PIK3AP1: variants seen among roughly 807,000 people sequenced by gnomAD.
PIK3AP1 encodes the protein phosphoinositide-3-kinase adaptor protein 1.
Under a neutral mutation model 88.1 loss-of-function variants are expected in PIK3AP1, and 21 were observed. That is an observed-to-expected ratio of 0.24 (90% CI 0.17 to 0.34). The LOEUF is 0.34. PIK3AP1 is among the 10% of genes least tolerant of loss of function. The pLI is 1.00. For missense variants in PIK3AP1, 828 were observed against 1,035.7 expected (o/e 0.80, Z 2.75); for synonymous variants, 398 against 400.0 (o/e 1.00, Z 0.06).
At chr10:96,684,334 A>G (rs1018908373) in intron 2 of PIK3AP1, among the ~76,000 whole-genome samples, 1 of 152,218 alleles carries the variant, frequency 6.6e-6, no homozygotes, top group African/African-American at 2.4e-5. Flanking sequence ...TACAAGAAAA[A>G]CGCTAGTCCA....
At chr10:96,643,004 TGTGA>T (rs1241205661) in intron 8 of PIK3AP1, among the ~76,000 whole-genome samples, 1 of 152,226 alleles carries the variant, frequency 6.6e-6, no homozygotes, top group African/African-American at 2.4e-5. Context: ...AGTGTTCTTT[TGTGA>T]GTGAGTCCCT....
chr10:96,615,302 C>G (rs1849196628), intron 13 of PIK3AP1, among the ~76,000 whole-genome samples: 1 of 151,998 alleles, frequency 6.6e-6, no homozygotes, highest in African/African-American at 2.4e-5. Context: ...GACAGGAGCC[C>G]CTGGAAGGCT....
At chr10:96,595,710 C>A in intron 16 of PIK3AP1, 76 bp from the exon 17 acceptor site, 3 of 1,449,126 alleles carry the variant, frequency 2.1e-6, no homozygotes, top group South Asian at 2.4e-5. Flanking sequence ...CAATTTGTTG[C>A]AAACTTGGTA....
intron 3 of PIK3AP1, among the ~76,000 whole-genome samples, chr10:96,654,809 G>C (rs966522987): frequency 2.6e-5 from 4 of 152,206 alleles, no homozygotes; most frequent in Non-Finnish European, 1.5e-5. Context: ...GACCAGAGGG[G>C]CATGGGGAAA....
chr10:96,708,574 CAAAAAAAAAAAAA>C (rs924470384), intron 2 of PIK3AP1, among the ~76,000 whole-genome samples: 5 of 12,832 alleles, frequency 3.9e-4, no homozygotes, highest in East Asian at 2.4e-3. Flanking sequence ...GGATCTGTCT[CAAAAAAAAAAAAA>C]AAAAAAAAAA....
Position 96,687,279 on chromosome 10 carries a change from AAAAAAAG to A in PIK3AP1, c.430+22281_430+22287del, listed in dbSNP as rs1254063032. Among the ~76,000 whole-genome samples the A allele has an allele frequency of 1.1e-3, 137 of 119,562 alleles. 8 individuals carry two copies. Among genetic ancestry groups the A allele is most frequent in the African/African-American group, 6.0e-3 (132 of 21,982 alleles). The allele number at this position is 119,562 out of a possible 152,430, so 78.4% of individuals were successfully genotyped here. A position where few individuals can be genotyped will look rare whatever the true frequency, so the allele number is the denominator to read the frequency against. ...TCAAAAAAAAAAAAAAAAAAAAAAA[AAAAAAAG>A]AAAAAAGATCTCCTCCTTTCAAGGA... On this transcript the variant is annotated intron_variant, in intron 2 of 16. Transcript: ENST00000339364.
At position 96,656,796 on chromosome 10, in the gene PIK3AP1, A is replaced by G; in HGVS notation, c.567+2T>C. On this transcript the variant is annotated splice_donor_variant, in intron 3 of 16. Transcript: ENST00000339364. LOFTEE classifies it high-confidence loss of function. ...AGCTACCAGGCCCCCAGCAGTGCCT[A>G]CCCCACAGCGAATGCGGTCCGGCTG... The G allele has an allele frequency of 6.2e-7, 1 of 1,613,936 alleles. No homozygotes were observed. Among genetic ancestry groups the G allele is most frequent in the Non-Finnish European group, 8.5e-7 (1 of 1,179,966 alleles).
intron 2 of PIK3AP1, among the ~76,000 whole-genome samples, chr10:96,706,161 G>C (rs1340957268): frequency 6.6e-6 from 1 of 152,104 alleles, no homozygotes; most frequent in African/African-American, 2.4e-5. Flanking sequence ...CCAAAGGGCT[G>C]GGATTACAGG....
In PIK3AP1 at chr10:96,711,854, C is replaced by T. The variant is rs190052876; in HGVS notation, c.14-1871G>A. On this transcript the variant is annotated intron_variant, in intron 1 of 16. Coordinates refer to ENST00000339364, the MANE Select transcript of PIK3AP1 (RefSeq NM_152309.3). ...CAAGCTCCGCCTCCCGGGTTCACGC[C>T]ATTCTCCTGTCTCAGCCTCCCAAGT... Among the ~76,000 whole-genome samples, 11 of 148,294 alleles carry T rather than the reference C, an allele frequency of 7.4e-5. No individual in the cohort carries two copies. The East Asian group carries it at 2.2e-3, about 30-fold the overall frequency.
intron 2 of PIK3AP1, among the ~76,000 whole-genome samples, chr10:96,704,528 G>C (rs1218930254): frequency 6.6e-6 from 1 of 152,038 alleles, no homozygotes; most frequent in Non-Finnish European, 1.5e-5. Flanking sequence ...GACCAGCCTG[G>C]CCAACATGGT....
intron 7 of PIK3AP1, among the ~76,000 whole-genome samples, chr10:96,648,011 C>T (rs1009788514): frequency 1.3e-5 from 2 of 152,162 alleles, no homozygotes; most frequent in Non-Finnish European, 2.9e-5. Context: ...ACCAGATGAT[C>T]AGATAAACTG....
In PIK3AP1 at chr10:96,656,894, G is replaced by A. The variant is rs117500254; in HGVS notation, c.471C>T (p.Asp157=). ...CDSVTDTEPE[D]EKVVSYSKQQ... ...GCTTCGAGTAGGAAACAACCTTCTCGTCCTCAGGCTCAGTGTCAGTGACTG... is the reference window on the plus strand; with the variant it reads ...GCTTCGAGTAGGAAACAACCTTCTCATCCTCAGGCTCAGTGTCAGTGACTG... Residue 157 remains aspartate (D), a synonymous_variant, in exon 3 of 17, where the codon GAC becomes GAT. Coordinates refer to ENST00000339364, the MANE Select transcript of PIK3AP1 (RefSeq NM_152309.3). 1,099 of 1,614,022 alleles carry A rather than the reference G, an allele frequency of 6.8e-4. 3 individuals carry two copies. Among genetic ancestry groups the A allele is most frequent in the Non-Finnish European group, 8.0e-4 (945 of 1,180,000 alleles).
intron 8 of PIK3AP1, among the ~76,000 whole-genome samples, chr10:96,643,454 G>A (rs777216341): frequency 1.8e-4 from 28 of 152,156 alleles, no homozygotes; most frequent in Admixed American, 1.8e-3. Flanking sequence ...CTTCAGGTCC[G>A]AAATCAAGGG....
chr10:96,601,179 A>T (rs1848882497), intron 16 of PIK3AP1, among the ~76,000 whole-genome samples: 1 of 152,160 alleles, frequency 6.6e-6, no homozygotes, highest in Non-Finnish European at 1.5e-5. Flanking sequence ...CATTTTATAG[A>T]CAAGGAAATT....
intron 13 of PIK3AP1, among the ~76,000 whole-genome samples, chr10:96,612,219 A>G (rs1258198578): frequency 1.3e-5 from 2 of 152,166 alleles, no homozygotes; most frequent in African/African-American, 4.8e-5. Flanking sequence ...GGACACACCC[A>G]GAACACAAAT....
intron 1 of PIK3AP1, among the ~76,000 whole-genome samples, chr10:96,714,463 C>G (rs1028964780): frequency 6.6e-6 from 1 of 152,304 alleles, no homozygotes; most frequent in East Asian, 1.9e-4. Flanking sequence ...CTCTAAGTTG[C>G]ACCCAATTTA....
chr10:96,635,229 C>T (rs1468344151), intron 8 of PIK3AP1, among the ~76,000 whole-genome samples: 1 of 152,146 alleles, frequency 6.6e-6, no homozygotes, highest in Non-Finnish European at 1.5e-5. Context: ...GCATCAGGCA[C>T]AGTCAGCTTG....
chr10:96,594,579 C>T lies in PIK3AP1; in HGVS notation c.*998G>A, dbSNP rs1352602463. ...TTTCTATTTTAGGTTTGTTTTTCCT[C>T]CTCAGAAGCCTCAACGAAGAAAAAG... On this transcript the variant is annotated 3_prime_UTR_variant, in exon 17 of 17. Coordinates refer to ENST00000339364, the MANE Select transcript of PIK3AP1 (RefSeq NM_152309.3). The surrounding 1 kb of genome is among the most constrained non-coding windows in gnomAD (Gnocchi z 4.6). 1.3e-5 allele frequency: 2 copies of T among 152,090 alleles called. No homozygotes were observed. Among genetic ancestry groups the T allele is most frequent in the Non-Finnish European group, 2.9e-5 (2 of 68,024 alleles). 9.4% of individuals were successfully genotyped at this position (152,090 alleles called of 1,614,324 possible).
intron 8 of PIK3AP1, among the ~76,000 whole-genome samples, chr10:96,629,028 C>A (rs965983352): frequency 4.6e-5 from 7 of 150,590 alleles, no homozygotes; most frequent in African/African-American, 1.7e-4. Context: ...CCCGCCTCAG[C>A]CTCCCAAGTA....
Sources: allele counts gnomAD v4.1 joint callset (sites outside exome capture counted in the v4.1 genomes callset), GRCh38; gene constraint gnomAD v4.1.1; non-coding constraint Gnocchi (gnomAD v3.1); transcripts MANE v1.5; gene names NCBI Gene and HGNC (gene_info 2026-07-23, HGNC 2026-07-21).